DENND1A: variants seen among roughly 807,000 people sequenced by gnomAD.
DENND1A encodes DENN domain-containing protein 1A.
DENND1A carries 51 observed loss-of-function variants against 113.7 expected under a neutral mutation model. The ratio of observed to expected loss-of-function variants is 0.45; its 90% CI spans 0.36 to 0.57. The LOEUF is 0.57. DENND1A is among the 20% of genes least tolerant of loss of function. The probability of loss-of-function intolerance (pLI) is 0.00; values close to 1 mark genes in which losing one functional copy is unlikely to be tolerated. For synonymous variants in DENND1A, 565 were observed against 570.8 expected (o/e 0.99, Z 0.14); for missense variants, 1,258 against 1,395.9 (o/e 0.90, Z 1.57).
intron 13 of DENND1A, among the ~76,000 whole-genome samples, chr9:123,538,805 CATACATATATATAT>C (rs1250790186): frequency 0.013 from 639 of 50,048 alleles, 62 homozygotes; most frequent in African/African-American, 0.047. Context: ...GGTGACAACT[CATACATATATATAT>C]ATATATATAT....
chr9:123,763,745 A>G (rs1056310466), intron 4 of DENND1A, among the ~76,000 whole-genome samples: 5 of 152,092 alleles, frequency 3.3e-5, no homozygotes, highest in African/African-American at 1.2e-4. Flanking sequence ...AACAAGAGGG[A>G]GTGGTCAACT....
At chr9:123,677,543 C>T (rs1258320090) in intron 5 of DENND1A, among the ~76,000 whole-genome samples, 1 of 152,208 alleles carries the variant, frequency 6.6e-6, no homozygotes, top group Non-Finnish European at 1.5e-5. Context: ...AAGTGATTCT[C>T]CTGCCTCAGC....
chr9:123,633,304 G>A (rs1251013674), intron 9 of DENND1A, among the ~76,000 whole-genome samples: 1 of 152,168 alleles, frequency 6.6e-6, no homozygotes, highest in African/African-American at 2.4e-5. Flanking sequence ...CATGTTCTCA[G>A]TGGCCCAGAA....
rs1369917267 is a variant in DENND1A, at chr9:123,906,162, G to A, written c.17+23727C>T. 2.3e-3 allele frequency among the ~76,000 whole-genome samples: 349 copies of A among 150,436 alleles called. 2 individuals are homozygous for A. The highest frequency in any genetic ancestry group is 4.2e-3 in the Non-Finnish European group (287 of 67,680). ...TAAAGATGTTCTTTGAAACCAACGA[G>A]AACAAAGACACAACATACCAGAATC... On this transcript the variant is annotated intron_variant, in intron 1 of 23. Coordinates refer to ENST00000394215, the MANE Select transcript of DENND1A (RefSeq NM_001352964.2).
At chr9:123,390,487 G>C (rs745531869) in intron 21 of DENND1A, among the ~76,000 whole-genome samples, 1 of 152,164 alleles carries the variant, frequency 6.6e-6, no homozygotes, top group Non-Finnish European at 1.5e-5. Context: ...AGCAGGTACC[G>C]TGCTTTATAG....
intron 10 of DENND1A, among the ~76,000 whole-genome samples, chr9:123,611,846 A>C (rs2060432261): frequency 6.6e-6 from 1 of 152,218 alleles, no homozygotes; most frequent in Non-Finnish European, 1.5e-5. Flanking sequence ...AATAAAAATC[A>C]ATGATACCCT....
At chr9:123,744,381 C>T (rs2069291225) in intron 5 of DENND1A, among the ~76,000 whole-genome samples, 1 of 152,170 alleles carries the variant, frequency 6.6e-6, no homozygotes, top group Non-Finnish European at 1.5e-5. Context: ...TTTAACTATC[C>T]TCTATTTCTA....
chr9:123,649,294 G>T (rs2062516980), intron 9 of DENND1A, among the ~76,000 whole-genome samples: 1 of 152,188 alleles, frequency 6.6e-6, no homozygotes, highest in Non-Finnish European at 1.5e-5. Context: ...ATGTCAATAT[G>T]TAAGTTATAT....
intron 9 of DENND1A, among the ~76,000 whole-genome samples, chr9:123,637,027 C>G (rs1385533052): frequency 6.6e-6 from 1 of 152,084 alleles, no homozygotes; most frequent in Non-Finnish European, 1.5e-5. Context: ...TAATAGATCA[C>G]AACTAGAGGC....
chr9:123,814,204 C>T (rs1837095463), intron 2 of DENND1A, among the ~76,000 whole-genome samples: 1 of 152,054 alleles, frequency 6.6e-6, no homozygotes. Flanking sequence ...GGGTATGTAA[C>T]ACGGACATTA....
chr9:123,746,300 T>C (rs2069501455), intron 5 of DENND1A, among the ~76,000 whole-genome samples: 1 of 152,126 alleles, frequency 6.6e-6, no homozygotes, highest in Non-Finnish European at 1.5e-5. Flanking sequence ...ATTAGTATTG[T>C]CCACAATTTG....
At chr9:123,656,464 C>T (rs2062950199) in intron 8 of DENND1A, among the ~76,000 whole-genome samples, 1 of 152,096 alleles carries the variant, frequency 6.6e-6, no homozygotes, top group African/African-American at 2.4e-5. Flanking sequence ...CAGACAAAAG[C>T]TTTGGGTGTA....
chr9:123,609,121 GAACA>G (rs1208742228), intron 11 of DENND1A, among the ~76,000 whole-genome samples: 4 of 152,124 alleles, frequency 2.6e-5, no homozygotes, highest in Admixed American at 6.5e-5. Context: ...ATAGCGATTA[GAACA>G]AACATTTTGA....
At chr9:123,848,206 T>C (rs1393725141) in intron 2 of DENND1A, among the ~76,000 whole-genome samples, 4 of 142,792 alleles carry the variant, frequency 2.8e-5, no homozygotes, top group African/African-American at 1.1e-4. Context: ...GTTTGTTTTA[T>C]TGCACTTCAA....
chr9:123,884,940 AG>A (rs796760190), intron 1 of DENND1A, among the ~76,000 whole-genome samples: 148 of 152,034 alleles, frequency 9.7e-4, no homozygotes, highest in African/African-American at 3.5e-3. Context: ...CCTCTTCTCT[AG>A]GAAGTATTAT....
In DENND1A at chr9:123,818,661, C is replaced by CTGA. The variant is rs1180916871; in HGVS notation, c.89-26034_89-26032dup. Among the ~76,000 whole-genome samples the CTGA allele has an allele frequency of 2.0e-5, 3 of 151,560 alleles. No homozygotes were observed. In the East Asian group the frequency reaches 5.8e-4, roughly 29 times the overall value. On this transcript the variant is annotated intron_variant, in intron 2 of 23. Transcript: ENST00000394215. ...TTCGTACATACCTTACACACATAGC[C>CTGA]TGAAGGTAATTTCATATATTTTTAA... is the stretch of plus-strand genomic sequence containing the variant.
At chr9:123,472,897 C>G (rs1473217372) in intron 13 of DENND1A, among the ~76,000 whole-genome samples, 1 of 152,040 alleles carries the variant, frequency 6.6e-6, no homozygotes, top group African/African-American at 2.4e-5. Flanking sequence ...GCTGGGGAGT[C>G]CCCCTTGCCC....
intron 18 of DENND1A, among the ~76,000 whole-genome samples, chr9:123,446,936 G>A (rs903164933): frequency 6.6e-6 from 1 of 152,204 alleles, no homozygotes; most frequent in Non-Finnish European, 1.5e-5. Flanking sequence ...AATTTCAGGG[G>A]TTCCTCAATA....
chr9:123,453,198 G>A (rs777114506), intron 16 of DENND1A, among the ~76,000 whole-genome samples: 10 of 152,214 alleles, frequency 6.6e-5, no homozygotes, highest in Non-Finnish European at 1.2e-4. Context: ...CCTCCAGCTG[G>A]AGAGGCAGGA....
Sources: gnomAD v4.1 joint callset for allele counts (sites outside exome capture counted in the v4.1 genomes callset) on GRCh38, gnomAD v4.1.1 for gene constraint, MANE v1.5 for transcripts, NCBI Gene and HGNC (gene_info 2026-07-23, HGNC 2026-07-21) for gene names.